Variants in EPB41L4A observed in about 807,000 individuals in gnomAD.
EPB41L4A encodes band 4.1-like protein 4A.
Under a neutral mutation model 108.6 loss-of-function variants are expected in EPB41L4A, and 100 were observed. The ratio of observed to expected loss-of-function variants is 0.92; its 90% CI spans 0.78 to 1.09. The LOEUF is 1.09. Among genes scored for constraint, EPB41L4A ranks in the 50% least tolerant of loss-of-function variants. The probability of loss-of-function intolerance (pLI) is 0.00; values close to 1 mark genes in which losing one functional copy is unlikely to be tolerated. For missense variants in EPB41L4A, 1,030 were observed against 842.7 expected (o/e 1.22, Z -2.75); for synonymous variants, 319 against 289.0 (o/e 1.10, Z -1.05).
intron 1 of EPB41L4A, among the ~76,000 whole-genome samples, chr5:112,344,011 G>A (rs752202976): frequency 2.0e-5 from 3 of 152,148 alleles, no homozygotes; most frequent in African/African-American, 4.8e-5. Flanking sequence ...TGCTACGATT[G>A]TGCCTGTGAA....
chr5:112,253,561 T>A (rs371079755), intron 9 of EPB41L4A, among the ~76,000 whole-genome samples: 15 of 152,308 alleles, frequency 9.8e-5, no homozygotes, highest in African/African-American at 3.6e-4. Context: ...AAGTATTATA[T>A]CATTATTAAT....
chr5:112,215,319 C>G (rs1747541527), intron 12 of EPB41L4A, among the ~76,000 whole-genome samples: 1 of 152,230 alleles, frequency 6.6e-6, no homozygotes, highest in African/African-American at 2.4e-5. Flanking sequence ...CACAGGTGAT[C>G]TGCAATCAAG....
chr5:112,296,581 C>T (rs1209700367), intron 2 of EPB41L4A, among the ~76,000 whole-genome samples: 2 of 152,088 alleles, frequency 1.3e-5, no homozygotes, highest in African/African-American at 4.8e-5. Flanking sequence ...AGATGCGCTT[C>T]CAATAAATAC....
At chr5:112,166,989 C>G (rs545686696) in intron 22 of EPB41L4A, among the ~76,000 whole-genome samples, 2 of 152,266 alleles carry the variant, frequency 1.3e-5, no homozygotes, top group African/African-American at 2.4e-5. Flanking sequence ...TGCCACTGAT[C>G]AGAAGATGCA....
chr5:112,400,584 C>T (rs1434355074), intron 1 of EPB41L4A, among the ~76,000 whole-genome samples: 2 of 152,038 alleles, frequency 1.3e-5, no homozygotes, highest in Non-Finnish European at 2.9e-5. Context: ...TTTTAAATGA[C>T]CAGGTCTTGC....
At chr5:112,403,839 T>C (rs1245775192) in intron 1 of EPB41L4A, among the ~76,000 whole-genome samples, 1 of 152,188 alleles carries the variant, frequency 6.6e-6, no homozygotes, top group African/African-American at 2.4e-5. Context: ...CTCTTTATGC[T>C]TGGGCAGGCA....
intron 18 of EPB41L4A, among the ~76,000 whole-genome samples, chr5:112,180,154 T>C (rs1445343513): frequency 6.6e-6 from 1 of 152,106 alleles, no homozygotes; most frequent in East Asian, 1.9e-4. Flanking sequence ...TCAAAATTGA[T>C]CTATACATTC....
chr5:112,268,656 C>T (rs1156981360), intron 4 of EPB41L4A, among the ~76,000 whole-genome samples: 1 of 151,714 alleles, frequency 6.6e-6, no homozygotes, highest in Non-Finnish European at 1.5e-5. Flanking sequence ...TTGAGACAAG[C>T]ATGGACAACA....
intron 18 of EPB41L4A, among the ~76,000 whole-genome samples, chr5:112,171,889 T>C (rs1223617710): frequency 1.3e-5 from 2 of 152,176 alleles, no homozygotes; most frequent in East Asian, 1.9e-4. Context: ...TCCTATGGAA[T>C]TGTATGTGAT....
intron 3 of EPB41L4A, among the ~76,000 whole-genome samples, chr5:112,278,022 A>T (rs1046179025): frequency 6.6e-6 from 1 of 152,184 alleles, no homozygotes; most frequent in African/African-American, 2.4e-5. Flanking sequence ...GTCTTTGATA[A>T]GGAGTTTCTC....
At chr5:112,148,745 T>G (rs762444198) in intron 12 of EPB41L4A, among the ~76,000 whole-genome samples, 6 of 152,226 alleles carry the variant, frequency 3.9e-5, no homozygotes, top group Non-Finnish European at 8.8e-5. Flanking sequence ...ATTTTTAAAC[T>G]ACATAGACAT....
At chr5:112,351,657 G>T (rs2150732846) in intron 1 of EPB41L4A, among the ~76,000 whole-genome samples, 1 of 152,114 alleles carries the variant, frequency 6.6e-6, no homozygotes, top group East Asian at 1.9e-4. Context: ...CAAGGACCCA[G>T]CAACAAAAAG....
At chr5:112,351,507 G>C (rs1758041574) in intron 1 of EPB41L4A, among the ~76,000 whole-genome samples, 1 of 152,144 alleles carries the variant, frequency 6.6e-6, no homozygotes, top group African/African-American at 2.4e-5. Flanking sequence ...CCCAGGCCTG[G>C]ATGGTTTTAC....
chr5:112,338,636 C>A (rs1025164084), intron 1 of EPB41L4A, among the ~76,000 whole-genome samples: 5 of 152,202 alleles, frequency 3.3e-5, no homozygotes, highest in African/African-American at 1.2e-4. Flanking sequence ...CCTAGCTTTC[C>A]ATTCTCTTCG....
chr5:112,380,586 T>C (rs1381234357), intron 1 of EPB41L4A, among the ~76,000 whole-genome samples: 3 of 152,124 alleles, frequency 2.0e-5, no homozygotes, highest in Admixed American at 6.5e-5. Context: ...CAGGGGAAGA[T>C]TTAGTTCTTC....
intron 12 of EPB41L4A, among the ~76,000 whole-genome samples, chr5:112,226,282 T>A (rs1277440006): frequency 1.3e-5 from 2 of 152,216 alleles, no homozygotes; most frequent in East Asian, 3.8e-4. Flanking sequence ...AAGTGACGTA[T>A]TTGATCTAAT....
At chr5:112,355,869 G>C (rs561885862) in intron 1 of EPB41L4A, among the ~76,000 whole-genome samples, 1 of 152,230 alleles carries the variant, frequency 6.6e-6, no homozygotes, top group East Asian at 1.9e-4. Flanking sequence ...AGATCCTAGG[G>C]ATCTAAAATG....
At chr5:112,315,758 T>A (rs1169520068) in intron 1 of EPB41L4A, among the ~76,000 whole-genome samples, 1 of 152,022 alleles carries the variant, frequency 6.6e-6, no homozygotes, top group Admixed American at 6.5e-5. Flanking sequence ...ATAGAAATTT[T>A]TATGCAATAA....
intron 17 of EPB41L4A, among the ~76,000 whole-genome samples, chr5:112,193,402 A>T (rs1283669627): frequency 6.6e-6 from 1 of 152,168 alleles, no homozygotes; most frequent in African/African-American, 2.4e-5. Flanking sequence ...CCCGGGTTCA[A>T]GCGATTCTCC....
Sources: gnomAD v4.1 joint callset for allele counts (sites outside exome capture counted in the v4.1 genomes callset) on GRCh38, gnomAD v4.1.1 for gene constraint, MANE v1.5 for transcripts, NCBI Gene and HGNC (gene_info 2026-07-23, HGNC 2026-07-21) for gene names.